Variants in ZNF106 observed in about 807,000 individuals in gnomAD.
ZNF106 encodes the protein SH3-domain binding protein 3.
A neutral mutation model predicts 195.1 loss-of-function variants in ZNF106; 67 were observed. The observed-to-expected ratio is 0.34, with a 90% confidence interval of 0.28 to 0.42. The LOEUF (loss-of-function observed/expected upper bound fraction) is 0.42. Among genes scored for constraint, ZNF106 ranks in the 10% least tolerant of loss-of-function variants. The pLI, the probability that ZNF106 is intolerant of heterozygous loss-of-function variation, is 1.00. For missense variants in ZNF106, 2,118 were observed against 2,304.5 expected (o/e 0.92, Z 1.66); for synonymous variants, 784 against 818.6 (o/e 0.96, Z 0.72).
At chr15:42,467,580 G>A (rs572257949) in intron 2 of ZNF106, among the ~76,000 whole-genome samples, 1 of 151,404 alleles carries the variant, frequency 6.6e-6, no homozygotes, top group African/African-American at 2.4e-5. Flanking sequence ...TCATGTGGTC[G>A]AGTTTGAGAC....
chr15:42,424,056 A>T lies in ZNF106; in HGVS notation c.5195T>A (p.Val1732Glu). 1 of 1,612,668 alleles carries T rather than the reference A, an allele frequency of 6.2e-7. No individual in the cohort carries two copies. Among genetic ancestry groups the T allele is most frequent in the East Asian group, 2.2e-5 (1 of 44,862 alleles). Residue 1732 changes from valine to glutamate, a missense_variant, in exon 17 of 22, where the codon GTG becomes GAG. By Grantham distance (121) the Val-to-Glu change is moderately radical. Transcript: ENST00000564754. Reference sequence around the variant, plus strand: ...GGAGCCACTGAACACGAGATCATTCACCACCTTAAAGAAAAAATTAAACAA... The same window carrying T: ...GGAGCCACTGAACACGAGATCATTCTCCACCTTAAAGAAAAAATTAAACAA... ...HSKTILCMKVVNDLVFSGSSD... is the reference protein window; with the variant it reads ...HSKTILCMKVENDLVFSGSSD...
intron 15 of ZNF106, among the ~76,000 whole-genome samples, chr15:42,425,968 C>T (rs994959342): frequency 9.9e-5 from 15 of 152,224 alleles, no homozygotes; most frequent in Non-Finnish European, 2.9e-5. Flanking sequence ...CCAGCCAACC[C>T]TGTTCATTAA....
Position 42,417,797 on chromosome 15 carries a change from TA to T in ZNF106, c.5664+7del. The T allele has an allele frequency of 6.2e-7, 1 of 1,611,048 alleles. No homozygotes were observed. Among genetic ancestry groups the T allele is most frequent in the African/African-American group, 1.3e-5 (1 of 74,886 alleles). ...ATCCCAGGCAAACCTCAAGTCCCAC[TA>T]ATGTACCTGTTTGGATCCTTTCCTA... On this transcript the variant is annotated splice_region_variant and intron_variant, in intron 21 of 21. Coordinates refer to ENST00000564754, the MANE Select transcript of ZNF106 (RefSeq NM_001366845.3).
At position 42,451,619 on chromosome 15, in the gene ZNF106, T is replaced by G. The variant is rs200677232; in HGVS notation, c.653A>C (p.Asn218Thr). The G allele has an allele frequency of 1.2e-6, 2 of 1,614,184 alleles. No homozygotes were observed. The highest frequency in any genetic ancestry group is 1.7e-6 in the Non-Finnish European group (2 of 1,180,038). The change falls in exon 5 of 22, where the codon AAT (asparagine) becomes ACT (threonine). Residue 218 changes from asparagine (N) to threonine (T), a missense_variant. Physicochemically the swap from Asn to Thr is moderately conservative, Grantham distance 65. Transcript: ENST00000564754. ...WLSNSGAVDW[N>T]HNGTGRNSSW... is the part of the protein sequence containing the mutation. ...GGAATTCCTTCCTGTACCATTATGA[T>G]TCCAATCTACTGCTCCACTATTTGA...
chr15:42,453,896 C>T (rs1296587245), intron 4 of ZNF106, among the ~76,000 whole-genome samples: 2 of 152,096 alleles, frequency 1.3e-5, no homozygotes, highest in Non-Finnish European at 2.9e-5. Flanking sequence ...CTTATTATTC[C>T]TACTTTATAG....
At chr15:42,440,371 T>G (rs984970548) in intron 10 of ZNF106, among the ~76,000 whole-genome samples, 5 of 152,146 alleles carry the variant, frequency 3.3e-5, no homozygotes, top group African/African-American at 1.2e-4. Context: ...GTTAGAAAAC[T>G]AAATATTCAA....
Position 42,457,179 on chromosome 15 carries a change from G to C in ZNF106, c.117-21C>G, listed in dbSNP as rs146619039. On this transcript the variant is annotated intron_variant, in intron 3 of 21. Transcript: ENST00000564754. ...TGTCCCTAGGGAAAGAGGGAGATGA[G>C]GGACATTCAATTCTCCCCACTGGCA... The C allele has an allele frequency of 4.3e-6, 7 of 1,613,802 alleles. No homozygotes were observed. In the African/African-American group the frequency reaches 9.4e-5, roughly 22 times the overall value.
chr15:42,474,652 C>G (rs1045968047), intron 1 of ZNF106, among the ~76,000 whole-genome samples: 1 of 151,756 alleles, frequency 6.6e-6, no homozygotes, highest in African/African-American at 2.4e-5. Context: ...TTGGGAGGCA[C>G]AGCAAGGAGG....
chr15:42,448,538 A>C lies in ZNF106; in HGVS notation c.2669T>G (p.Met890Arg). The C allele has an allele frequency of 6.2e-7, 1 of 1,614,112 alleles. No homozygotes were observed. The highest frequency in any genetic ancestry group is 1.1e-5 in the South Asian group (1 of 91,082). ...KRSLSESSVI[M>R]DRAPSVYSFF... ...GCTATACACAGAAGGAGCTCTGTCC[A>C]TGATCACGCTGCTCTCAGAAAGGCT... The change falls in exon 6 of 22, where the codon ATG becomes AGG. Residue 890 changes from methionine to arginine, a missense_variant. Met to Arg is a moderately conservative substitution (Grantham distance 91). Coordinates refer to ENST00000564754, the MANE Select transcript of ZNF106 (RefSeq NM_001366845.3).
intron 5 of ZNF106, among the ~76,000 whole-genome samples, 154 bp from the exon 6 acceptor site, chr15:42,448,859 G>A (rs1378426794): frequency 6.6e-6 from 1 of 152,140 alleles, no homozygotes; most frequent in Non-Finnish European, 1.5e-5. Context: ...CAGTGGTACA[G>A]ATATAAATAT....
intron 1 of ZNF106, among the ~76,000 whole-genome samples, chr15:42,480,284 C>G (rs959081502): frequency 2.0e-5 from 3 of 152,108 alleles, no homozygotes; most frequent in African/African-American, 7.2e-5. Context: ...CATGAACTGA[C>G]CTTTTATTGT....
rs1324121451 is a variant in ZNF106 at position 42,413,302 on chromosome 15, CCTGT to C, written c.*3998_*4001del. ...AATCACCTCCACCACAACTTCTATT[CCTGT>C]CTATTAGACCACTTCTCTTAAACCC... On this transcript the variant is annotated 3_prime_UTR_variant, in exon 22 of 22. Transcript: ENST00000564754. 9.2e-5 allele frequency: 14 copies of C among 152,182 alleles called. No homozygotes were observed. Among genetic ancestry groups the C allele is most frequent in the African/African-American group, 3.4e-4 (14 of 41,428 alleles). 9.4% of individuals were successfully genotyped at this position (152,182 alleles called of 1,614,324 possible).
At position 42,413,102 on chromosome 15, in the gene ZNF106, A is replaced by G. The variant is rs115839626; in HGVS notation, c.*4202T>C. 6.6e-6 allele frequency: 1 copy of G among 152,268 alleles called. No individual in the cohort carries two copies. Among genetic ancestry groups the G allele is most frequent in the African/African-American group, 2.4e-5 (1 of 41,546 alleles). The allele number at this position is 152,268 out of a possible 1,614,324, so 9.4% of individuals were successfully genotyped here. On this transcript the variant is annotated 3_prime_UTR_variant, in exon 22 of 22. Coordinates refer to ENST00000564754, the MANE Select transcript of ZNF106 (RefSeq NM_001366845.3). ...CCTTGACCCCCTCCTTTCCCAATTT[A>G]TTTGGGTCACTACCTTGAATTTAGA...
rs201925880 is a variant in ZNF106, at chr15:42,478,665, C to A, written c.-32-6344G>T. On this transcript the variant is annotated intron_variant, in intron 1 of 21. Transcript: ENST00000564754. The stretch of plus-strand genomic sequence containing the variant: ...CGAGTAGCTTTACAGGCACCTGCCA[C>A]CACGCCCAGCTAACTTTTGTGTTTT... 2.1e-4 allele frequency among the ~76,000 whole-genome samples: 32 copies of A among 152,044 alleles called. No individual in the cohort carries two copies. In the East Asian group the frequency reaches 6.0e-3, roughly 29 times the overall value.
At chr15:42,478,907 C>T (rs1038471085) in intron 1 of ZNF106, among the ~76,000 whole-genome samples, 8 of 152,126 alleles carry the variant, frequency 5.3e-5, no homozygotes, top group African/African-American at 1.7e-4. Flanking sequence ...CCTTTGGCTC[C>T]CCTTGGCCAT....
chr15:42,485,072 C>T (rs574594416), intron 1 of ZNF106, among the ~76,000 whole-genome samples: 26 of 152,120 alleles, frequency 1.7e-4, no homozygotes, highest in African/African-American at 6.3e-4. Flanking sequence ...TCACTTGAAC[C>T]CAGGAGGCAG....
chr15:42,418,878 T>C (rs986810127), intron 20 of ZNF106, among the ~76,000 whole-genome samples: 3 of 152,044 alleles, frequency 2.0e-5, no homozygotes, highest in Admixed American at 6.5e-5. Flanking sequence ...GCTATAATTT[T>C]ACTTATAAAC....
At chr15:42,476,598 G>A (rs1261391678) in intron 1 of ZNF106, among the ~76,000 whole-genome samples, 1 of 152,088 alleles carries the variant, frequency 6.6e-6, no homozygotes, top group Non-Finnish European at 1.5e-5. Flanking sequence ...ACCATGCCCA[G>A]CTTCATCTCA....
At chr15:42,475,341 C>G (rs979395504) in intron 1 of ZNF106, among the ~76,000 whole-genome samples, 4 of 152,136 alleles carry the variant, frequency 2.6e-5, no homozygotes, top group African/African-American at 9.7e-5. Flanking sequence ...ACTCGGGAGG[C>G]TGAGGCAGGA....
Sources: allele counts gnomAD v4.1 joint callset (sites outside exome capture counted in the v4.1 genomes callset), GRCh38; gene constraint gnomAD v4.1.1; transcripts MANE v1.5; gene names NCBI Gene and HGNC (gene_info 2026-07-23, HGNC 2026-07-21).